KCNIP1: variants seen among roughly 807,000 people sequenced by gnomAD.
The protein encoded by KCNIP1 is potassium voltage-gated channel interacting protein 1.
A neutral mutation model predicts 33.0 loss-of-function variants in KCNIP1; 18 were observed. The ratio of observed to expected loss-of-function variants is 0.55; its 90% CI spans 0.38 to 0.81. The LOEUF (loss-of-function observed/expected upper bound fraction) is 0.81, where lower values mean the gene tolerates loss of function less well. KCNIP1 is among the 30% of genes least tolerant of loss of function. The pLI, the probability that KCNIP1 is intolerant of heterozygous loss-of-function variation, is 0.00. For synonymous variants in KCNIP1, 93 were observed against 98.3 expected (o/e 0.95, Z 0.32); for missense variants, 238 against 271.6 (o/e 0.88, Z 0.87).
chr5:170,449,402 T>C lies in KCNIP1; in HGVS notation c.88+95438T>C, dbSNP rs77666509. ...AGCTCCACACACCCTTGGACCACAG[T>C]TTTCTGAGGCCCAGATGAGCACAAT... On this transcript the variant is annotated intron_variant, in intron 1 of 7. Transcript: ENST00000377360. 2.7e-3 allele frequency among the ~76,000 whole-genome samples: 412 copies of C among 152,222 alleles called. 4 individuals are homozygous for C. Among genetic ancestry groups the C allele is most frequent in the African/African-American group, 9.6e-3 (397 of 41,528 alleles).
chr5:170,470,574 A>T (rs559891129), intron 1 of KCNIP1, among the ~76,000 whole-genome samples: 1 of 152,216 alleles, frequency 6.6e-6, no homozygotes, highest in African/African-American at 2.4e-5. Context: ...TAAGATCAGA[A>T]CTCCCTGATG....
In KCNIP1 at chr5:170,504,208, G is replaced by A. The variant is rs1325618961; in HGVS notation, c.-365G>A. On this transcript the variant is annotated 5_prime_UTR_variant, in exon 1 of 8. Transcript: ENST00000328939. This position sits in a 1 kb window ranked among gnomAD's most constrained non-coding sequence, Gnocchi z 6.0. ...GCGGACGGCGGCTCCCGCACCGCAC[G>A]CGGCGCTGGCTCGGCAGCCTCGGCC... is the stretch of plus-strand genomic sequence containing the variant. 11 of 1,041,376 alleles carry A rather than the reference G, an allele frequency of 1.1e-5. No homozygotes were observed. The highest frequency in any genetic ancestry group is 1.2e-5 in the Non-Finnish European group (10 of 867,364). The allele number at this position is 1,041,376 out of a possible 1,614,324, so 64.5% of individuals were successfully genotyped here.
At chr5:170,578,507 G>A (rs1757680106) in intron 1 of KCNIP1, among the ~76,000 whole-genome samples, 1 of 152,146 alleles carries the variant, frequency 6.6e-6, no homozygotes, top group Non-Finnish European at 1.5e-5. Flanking sequence ...GTGCACATGA[G>A]GAGATGGAAG....
chr5:170,565,101 C>G (rs1027449909), intron 1 of KCNIP1, among the ~76,000 whole-genome samples: 3 of 152,116 alleles, frequency 2.0e-5, no homozygotes, highest in African/African-American at 7.2e-5. Flanking sequence ...CTCCCCTTCT[C>G]TTTCCCCACC....
intron 1 of KCNIP1, among the ~76,000 whole-genome samples, chr5:170,401,858 T>G (rs529691683): frequency 2.0e-5 from 3 of 151,718 alleles, no homozygotes; most frequent in Non-Finnish European, 4.4e-5. Context: ...TTTCATAGAG[T>G]TGCTGTGACA....
chr5:170,638,018 A>C (rs1368233532), intron 1 of KCNIP1, among the ~76,000 whole-genome samples: 3 of 137,702 alleles, frequency 2.2e-5, no homozygotes, highest in African/African-American at 5.2e-5. Context: ...GAGGTGCCCA[A>C]AAAGGGGTGT....
At chr5:170,380,213 G>A (rs1581128503) in intron 1 of KCNIP1, among the ~76,000 whole-genome samples, 1 of 152,282 alleles carries the variant, frequency 6.6e-6, no homozygotes, top group South Asian at 2.1e-4. Context: ...GTCATAAAGC[G>A]GAGTTTTATC....
At chr5:170,604,370 A>T (rs2113596433) in intron 1 of KCNIP1, among the ~76,000 whole-genome samples, 1 of 152,270 alleles carries the variant, frequency 6.6e-6, no homozygotes, top group South Asian at 2.1e-4. Context: ...GCCCATGGGG[A>T]CAGCGGTGTA....
chr5:170,620,771 T>C (rs9313515), intron 1 of KCNIP1, among the ~76,000 whole-genome samples: 44,390 of 152,162 alleles, frequency 0.29, 6,943 homozygotes, highest in Middle Eastern at 0.36. Flanking sequence ...GTCAAGATTT[T>C]TGTGAGCCGA....
chr5:170,483,015 G>A (rs1757008925), intron 1 of KCNIP1: 1 of 445,550 alleles, frequency 2.2e-6, no homozygotes, highest in Non-Finnish European at 4.5e-6. Flanking sequence ...ATTAAAGTAT[G>A]AGGTGGAAGA....
At chr5:170,630,116 C>G (rs1165428724) in intron 1 of KCNIP1, among the ~76,000 whole-genome samples, 7 of 152,226 alleles carry the variant, frequency 4.6e-5, no homozygotes, top group African/African-American at 7.2e-5. Flanking sequence ...TAAAAGGTCC[C>G]TGACAATTTT....
At chr5:170,486,887 A>G (rs1757104393) in intron 1 of KCNIP1, among the ~76,000 whole-genome samples, 2 of 152,188 alleles carry the variant, frequency 1.3e-5, no homozygotes, top group African/African-American at 4.8e-5. Context: ...TTATGGTCTC[A>G]CTATAATTTA....
At chr5:170,519,007 C>T (rs1755256651) in intron 1 of KCNIP1, among the ~76,000 whole-genome samples, 2 of 152,150 alleles carry the variant, frequency 1.3e-5, no homozygotes, top group Admixed American at 6.5e-5. Context: ...AGCCCACCCA[C>T]CCTCTGCTCT....
chr5:170,637,275 G>A (rs529987492), intron 1 of KCNIP1, among the ~76,000 whole-genome samples: 12 of 151,880 alleles, frequency 7.9e-5, no homozygotes, highest in African/African-American at 2.9e-4. Context: ...CTCAGACCCC[G>A]AGTGTCTGGC....
chr5:170,526,675 G>A (rs1424101530), intron 1 of KCNIP1, among the ~76,000 whole-genome samples: 1 of 151,136 alleles, frequency 6.6e-6, no homozygotes, highest in African/African-American at 2.4e-5. Context: ...CCACTGATGG[G>A]ACACCTTTGC....
chr5:170,471,476 G>A (rs1005476453), intron 1 of KCNIP1, among the ~76,000 whole-genome samples: 9 of 152,194 alleles, frequency 5.9e-5, no homozygotes, highest in African/African-American at 1.9e-4. Context: ...AGGGTAGTTT[G>A]TTCTGATCCA....
At chr5:170,368,001 T>C (rs890103553) in intron 1 of KCNIP1, among the ~76,000 whole-genome samples, 16 of 152,210 alleles carry the variant, frequency 1.1e-4, no homozygotes, top group Non-Finnish European at 1.9e-4. Flanking sequence ...GTGTATTAAA[T>C]AAATTTTGGT....
intron 1 of KCNIP1, among the ~76,000 whole-genome samples, chr5:170,654,870 CG>C (rs766014234): frequency 1.3e-5 from 2 of 152,146 alleles, no homozygotes; most frequent in Non-Finnish European, 2.9e-5. Context: ...GTTAAGCTAA[CG>C]TAAGTCTGTT....
At chr5:170,460,073 T>C (rs1161155451) in intron 1 of KCNIP1, among the ~76,000 whole-genome samples, 1 of 152,120 alleles carries the variant, frequency 6.6e-6, no homozygotes, top group East Asian at 1.9e-4. Context: ...TTTATGTGCA[T>C]AAACTTGAAA....
Sources: allele counts gnomAD v4.1 joint callset (sites outside exome capture counted in the v4.1 genomes callset), GRCh38; gene constraint gnomAD v4.1.1; non-coding constraint Gnocchi (gnomAD v3.1); transcripts MANE v1.5; gene names NCBI Gene and HGNC (gene_info 2026-07-23, HGNC 2026-07-21).